The following SNX29 variants were observed in gnomAD, a reference collection of about 807,000 sequenced individuals.
SNX29 encodes the protein sorting nexin-29.
In SNX29, 78 loss-of-function variants were observed where a neutral mutation model predicts 102.1. That is an observed-to-expected ratio of 0.76 (90% confidence interval 0.64 to 0.92). The LOEUF (loss-of-function observed/expected upper bound fraction) is 0.92, where lower values mean the gene tolerates loss of function less well. Among genes scored for constraint, SNX29 ranks in the 40% least tolerant of loss-of-function variants. The pLI, the probability that SNX29 is intolerant of heterozygous loss-of-function variation, is 0.00. For missense variants in SNX29, 1,280 were observed against 1,061.7 expected, an observed-to-expected ratio of 1.21 and a Z score of -2.86; for synonymous variants, 580 against 414.5, an observed-to-expected ratio of 1.40 and a Z score of -4.85.
intron 19 of SNX29, among the ~76,000 whole-genome samples, chr16:12,504,140 G>T (rs1175102233): frequency 6.6e-6 from 1 of 151,798 alleles, no homozygotes; most frequent in African/African-American, 2.4e-5. Context: ...ATTTCCTATC[G>T]ATGGAATAGT....
intron 14 of SNX29, among the ~76,000 whole-genome samples, chr16:12,274,866 G>T (rs1325110034): frequency 1.3e-5 from 2 of 152,108 alleles, no homozygotes; most frequent in African/African-American, 4.8e-5. Flanking sequence ...GGGCTTTTGT[G>T]TGCTTTGTGT....
intron 20 of SNX29, among the ~76,000 whole-genome samples, chr16:12,566,196 A>AC (rs2078998503): frequency 6.6e-6 from 1 of 152,078 alleles, no homozygotes; most frequent in African/African-American, 2.4e-5. Flanking sequence ...AATCCTTACC[A>AC]CCACAGTACT....
intron 13 of SNX29, among the ~76,000 whole-genome samples, chr16:12,198,744 G>T (rs1006010030): frequency 6.6e-6 from 1 of 152,198 alleles, no homozygotes. Flanking sequence ...GTCAAACACC[G>T]TATTTGTCCA....
At chr16:12,474,985 G>C (rs2087523658) in intron 18 of SNX29, among the ~76,000 whole-genome samples, 1 of 152,216 alleles carries the variant, frequency 6.6e-6, no homozygotes, top group Non-Finnish European at 1.5e-5. Flanking sequence ...CTTGACCTCA[G>C]CCTACTCATT....
chr16:12,069,751 C>T (rs1703539), intron 10 of SNX29, among the ~76,000 whole-genome samples: 8,269 of 152,212 alleles, frequency 0.054, 547 homozygotes, highest in African/African-American at 0.16. Context: ...AGTGCGGTGG[C>T]GCAATCTCGG....
chr16:12,165,015 C>T (rs529051708), intron 13 of SNX29, among the ~76,000 whole-genome samples: 2 of 152,218 alleles, frequency 1.3e-5, no homozygotes, highest in Admixed American at 1.3e-4. Context: ...ACTCACTTCT[C>T]CTGTGGCTGT....
chr16:12,482,718 C>G (rs2088004586), intron 19 of SNX29, among the ~76,000 whole-genome samples: 1 of 152,224 alleles, frequency 6.6e-6, no homozygotes, highest in Non-Finnish European at 1.5e-5. Context: ...GTAGTTTAGC[C>G]TTTCTCATTT....
intron 11 of SNX29, among the ~76,000 whole-genome samples, chr16:12,126,383 A>T (rs2054215152): frequency 1.3e-5 from 2 of 152,222 alleles, no homozygotes; most frequent in Admixed American, 1.3e-4. Flanking sequence ...TGGTGCTCAG[A>T]GGGGGTTGCT....
intron 18 of SNX29, among the ~76,000 whole-genome samples, chr16:12,426,602 A>G (rs1383692206): frequency 6.6e-6 from 1 of 152,210 alleles, no homozygotes; most frequent in Non-Finnish European, 1.5e-5. Flanking sequence ...GGTGATGTAG[A>G]TCTAATTTTT....
chr16:12,497,066 C>G (rs1271120029), intron 19 of SNX29, among the ~76,000 whole-genome samples: 1 of 152,158 alleles, frequency 6.6e-6, no homozygotes, highest in African/African-American at 2.4e-5. Flanking sequence ...ATCCGGGGCC[C>G]TGGACTTTCT....
chr16:12,292,440 G>T (rs1303388362), intron 15 of SNX29, among the ~76,000 whole-genome samples: 1 of 152,234 alleles, frequency 6.6e-6, no homozygotes, highest in Non-Finnish European at 1.5e-5. Context: ...CATGTGGAGA[G>T]CTGCACCTTC....
chr16:12,474,214 C>T lies in SNX29; in HGVS notation c.2038-3505C>T, dbSNP rs6498310. 9.7e-3 allele frequency among the ~76,000 whole-genome samples: 1,475 copies of T among 152,220 alleles called. 29 individuals carry two copies. Among genetic ancestry groups the T allele is most frequent in the African/African-American group, 0.033 (1,383 of 41,502 alleles). On this transcript the variant is annotated intron_variant, in intron 18 of 20. Coordinates refer to ENST00000566228, the MANE Select transcript of SNX29 (RefSeq NM_032167.5). Reference sequence around the variant, plus strand: ...TTACTTCAGCTGAAAAGGGAGTGTTCGTACCATCTGCCTTGCAGATTAACT... The same window carrying T: ...TTACTTCAGCTGAAAAGGGAGTGTTTGTACCATCTGCCTTGCAGATTAACT...
At chr16:12,555,556 AGCACCCTCATCTCTCACCTCCATTTCTCC>A (rs1233287655) in intron 20 of SNX29, among the ~76,000 whole-genome samples, 4 of 149,938 alleles carry the variant, frequency 2.7e-5, no homozygotes, top group Admixed American at 2.0e-4. Flanking sequence ...CGTGGGTTTG[AGCACCCTCATCTCTCACCTCCATTTCTCC>A]CTGTACCCAG....
At chr16:12,489,865 G>C (rs2088453630) in intron 19 of SNX29, among the ~76,000 whole-genome samples, 1 of 152,128 alleles carries the variant, frequency 6.6e-6, no homozygotes, top group South Asian at 2.1e-4. Flanking sequence ...GAATGCAGTG[G>C]TGTGATCTTG....
rs138851694 is a variant in SNX29, at chr16:12,262,519, C to T, written c.1679-15414C>T. ...AGGCTGGTGGAATAGATCGTTGGTTCGATCCTAAAATGCAGCGATGACAAA... is the reference window on the plus strand; with the variant it reads ...AGGCTGGTGGAATAGATCGTTGGTTTGATCCTAAAATGCAGCGATGACAAA... On this transcript the variant is annotated intron_variant, in intron 14 of 20. Coordinates refer to ENST00000566228, the MANE Select transcript of SNX29 (RefSeq NM_032167.5). Among the ~76,000 whole-genome samples, 62 of 152,304 alleles carry T rather than the reference C, an allele frequency of 4.1e-4. 1 individual carries two copies. Among genetic ancestry groups the T allele is most frequent in the African/African-American group, 1.3e-3 (53 of 41,566 alleles).
intron 20 of SNX29, among the ~76,000 whole-genome samples, chr16:12,549,131 G>T (rs1005753050): frequency 1.3e-5 from 2 of 152,118 alleles, no homozygotes; most frequent in South Asian, 2.1e-4. Context: ...GAAAATTCTG[G>T]GGTAGTTTTG....
chr16:12,547,816 G>C (rs2077704960), intron 20 of SNX29, among the ~76,000 whole-genome samples: 1 of 152,166 alleles, frequency 6.6e-6, no homozygotes, highest in South Asian at 2.1e-4. Flanking sequence ...TGCTCTGCAG[G>C]GACAGCCTTA....
At chr16:12,405,959 G>A (rs1313581406) in intron 18 of SNX29, among the ~76,000 whole-genome samples, 2 of 152,032 alleles carry the variant, frequency 1.3e-5, no homozygotes, top group Non-Finnish European at 2.9e-5. Context: ...TTGAACCCAG[G>A]AGGCAGAGAT....
intron 4 of SNX29, among the ~76,000 whole-genome samples, chr16:12,036,838 G>C (rs2057490120): frequency 6.6e-6 from 1 of 152,040 alleles, no homozygotes; most frequent in Non-Finnish European, 1.5e-5. Context: ...GTTATTTCCT[G>C]TGGTTGCAAA....
Sources: allele counts gnomAD v4.1 joint callset (sites outside exome capture counted in the v4.1 genomes callset), GRCh38; gene constraint gnomAD v4.1.1; transcripts MANE v1.5; gene names NCBI Gene and HGNC (gene_info 2026-07-23, HGNC 2026-07-21).